Variants in ADAP1 observed in about 807,000 individuals in gnomAD.
ADAP1 encodes the protein arf-GAP with dual PH domain-containing protein 1.
A neutral mutation model predicts 54.9 loss-of-function variants in ADAP1; 31 were observed. That is an observed-to-expected ratio of 0.56 (90% CI 0.42 to 0.76). The LOEUF is 0.76. ADAP1 is among the 30% of genes least tolerant of loss of function. The pLI is 0.00. For missense variants in ADAP1, 535 were observed against 512.4 expected, an observed-to-expected ratio of 1.04 and a Z score of -0.42; for synonymous variants, 313 against 202.6, an observed-to-expected ratio of 1.55 and a Z score of -4.63.
At chr7:939,650 G>C (rs1846887473) in intron 1 of ADAP1, among the ~76,000 whole-genome samples, 1 of 151,772 alleles carries the variant, frequency 6.6e-6, no homozygotes, top group Non-Finnish European at 1.5e-5. Context: ...GGCCAACATA[G>C]TGAAACCCCG....
intron 1 of ADAP1, among the ~76,000 whole-genome samples, chr7:940,952 G>A (rs953804524): frequency 6.6e-6 from 1 of 151,214 alleles, no homozygotes; most frequent in Non-Finnish European, 1.5e-5. Flanking sequence ...TAAGAATAGA[G>A]GGGAATTTCC....
rs1032854764 is a variant in ADAP1 at position 945,048 on chromosome 7, G to A, written c.82+9348C>T. 8.5e-5 allele frequency among the ~76,000 whole-genome samples: 13 copies of A among 152,158 alleles called. No homozygotes were observed. The highest frequency in any genetic ancestry group is 8.5e-4 in the Admixed American group (13 of 15,270). On this transcript the variant is annotated intron_variant, in intron 1 of 10. Coordinates refer to ENST00000265846, the MANE Select transcript of ADAP1 (RefSeq NM_006869.4). The surrounding 1 kb of genome is among the most constrained non-coding windows in gnomAD (Gnocchi z 4.2). Reference sequence around the variant, plus strand: ...GAAGCTCTGCAGGGTGGGCTCACGTGTGTGTGTGCAGGTGTGTGTGTGTGC... The same window carrying A: ...GAAGCTCTGCAGGGTGGGCTCACGTATGTGTGTGCAGGTGTGTGTGTGTGC...
chr7:945,944 C>G lies in ADAP1; in HGVS notation c.82+8452G>C, dbSNP rs900128103. ...AGTAGCCAAGCCTGTCCATGGGGCC[C>G]TGGTTCCAGAGACCTTTGCCCTCCC... is the stretch of plus-strand genomic sequence containing the variant. On this transcript the variant is annotated intron_variant, in intron 1 of 10. Coordinates refer to ENST00000265846, the MANE Select transcript of ADAP1 (RefSeq NM_006869.4). The surrounding 1 kb of genome is among the most constrained non-coding windows in gnomAD (Gnocchi z 4.2). 2 of 468,286 alleles carry G rather than the reference C, an allele frequency of 4.3e-6. No individual in the cohort carries two copies. Among genetic ancestry groups the G allele is most frequent in the African/African-American group, 4.2e-5 (2 of 47,338 alleles). 29.0% of individuals were successfully genotyped at this position (468,286 alleles called of 1,614,324 possible).
chr7:935,242 A>G, intron 2 of ADAP1, 133 bp downstream of exon 2: 1 of 1,312,790 alleles, frequency 7.6e-7, no homozygotes. Flanking sequence ...CCTCGGGTCC[A>G]GCCAGCCAGG....
At chr7:908,709 A>T (rs1407699965) in intron 4 of ADAP1, among the ~76,000 whole-genome samples, 1 of 152,100 alleles carries the variant, frequency 6.6e-6, no homozygotes, top group Non-Finnish European at 1.5e-5. Flanking sequence ...TTCGTGGCTG[A>T]GGGTGGACGC....
At chr7:934,777 T>A (rs79780746) in intron 2 of ADAP1, among the ~76,000 whole-genome samples, 2,944 of 152,178 alleles carry the variant, frequency 0.019, 102 homozygotes, top group African/African-American at 0.067. Flanking sequence ...CATAGGGGCG[T>A]CTCTAGGGCC....
intron 1 of ADAP1, among the ~76,000 whole-genome samples, chr7:936,637 A>G (rs1846768262): frequency 6.6e-6 from 1 of 152,252 alleles, no homozygotes; most frequent in African/African-American, 2.4e-5. Context: ...CTGGCTCCCA[A>G]CGACCCTTCA....
chr7:948,017 G>A (rs1391165736), intron 1 of ADAP1, among the ~76,000 whole-genome samples: 1 of 151,534 alleles, frequency 6.6e-6, no homozygotes, highest in African/African-American at 2.4e-5. Context: ...TCTTCCGGAG[G>A]GGCCGTCTCC....
intron 1 of ADAP1, among the ~76,000 whole-genome samples, chr7:939,571 C>CT (rs141872965): frequency 0.029 from 4,344 of 151,114 alleles, 163 homozygotes; most frequent in East Asian, 0.23. Flanking sequence ...TGGCTCACAC[C>CT]TGTAATCCCA....
chr7:922,489 T>C (rs1293605581), intron 3 of ADAP1, among the ~76,000 whole-genome samples: 1 of 152,142 alleles, frequency 6.6e-6, no homozygotes. Flanking sequence ...CAGCCCAAGA[T>C]GCCATGGGAG....
At chr7:912,835 G>C (rs1583148502) in intron 4 of ADAP1, among the ~76,000 whole-genome samples, 1 of 152,158 alleles carries the variant, frequency 6.6e-6, no homozygotes, top group Non-Finnish European at 1.5e-5. Context: ...TGAGTAGCTG[G>C]AGCTATCACG....
intron 6 of ADAP1, among the ~76,000 whole-genome samples, chr7:903,283 G>A (rs893041850): frequency 7.2e-5 from 11 of 152,164 alleles, no homozygotes; most frequent in Admixed American, 2.0e-4. Flanking sequence ...AGCGGAGCAC[G>A]GCAGGCAGGG....
At chr7:904,976 G>A (rs1845030421) in intron 5 of ADAP1, 84 bp downstream of exon 5, 3 of 1,218,122 alleles carry the variant, frequency 2.5e-6, no homozygotes, top group East Asian at 2.4e-5. Flanking sequence ...GCTGCGGATG[G>A]ACGCGGCCAC....
Position 938,670 on chromosome 7 carries a change from G to A in ADAP1, c.83-3165C>T, listed in dbSNP as rs139197604. Among the ~76,000 whole-genome samples, 28 of 152,268 alleles carry A rather than the reference G, an allele frequency of 1.8e-4. No individual in the cohort carries two copies. The highest frequency in any genetic ancestry group is 3.4e-3 in the Middle Eastern group (1 of 294). On this transcript the variant is annotated intron_variant, in intron 1 of 10. Transcript: ENST00000265846. The surrounding 1 kb of genome is among the most constrained non-coding windows in gnomAD (Gnocchi z 4.4). The stretch of plus-strand genomic sequence containing the variant: ...GAAGGCACGCCAGTCTCCGGGCCTC[G>A]GTCTCCTCATCTGTCGGATGGGACA...
rs763713635 is a variant in ADAP1 at position 905,044 on chromosome 7, C to A, written c.501+16G>T. On this transcript the variant is annotated intron_variant, in intron 5 of 10. Transcript: ENST00000265846. ...CCCTGGGACAGGCCCCCACCCCACC[C>A]CCGTCTGTGACTCACATCATTTCTG... 3.1e-6 allele frequency: 5 copies of A among 1,606,304 alleles called. No individual in the cohort carries two copies. The highest frequency in any genetic ancestry group is 4.2e-6 in the Non-Finnish European group (5 of 1,178,294).
At chr7:936,087 T>A (rs1397262839) in intron 1 of ADAP1, among the ~76,000 whole-genome samples, 1 of 152,212 alleles carries the variant, frequency 6.6e-6, no homozygotes, top group Non-Finnish European at 1.5e-5. Flanking sequence ...GCGCTGTGGC[T>A]TCACCCTGCA....
chr7:917,883 G>A (rs2128103806), intron 4 of ADAP1, among the ~76,000 whole-genome samples: 1 of 152,142 alleles, frequency 6.6e-6, no homozygotes, highest in South Asian at 2.1e-4. Flanking sequence ...AGATCCTCCC[G>A]CCTCAGTCTC....
At chr7:916,623 C>CAG (rs1562923265) in intron 4 of ADAP1, among the ~76,000 whole-genome samples, 1 of 152,144 alleles carries the variant, frequency 6.6e-6, no homozygotes, top group Non-Finnish European at 1.5e-5. Flanking sequence ...CAGGTGCCCG[C>CAG]GTGTTCATCC....
chr7:935,280 G>C, intron 2 of ADAP1, 95 bp downstream of exon 2: 1 of 1,482,592 alleles, frequency 6.7e-7, no homozygotes, highest in Admixed American at 2.1e-5. Context: ...GGCTCCAGGG[G>C]CCACAGCCAG....
Sources: allele counts gnomAD v4.1 joint callset (sites outside exome capture counted in the v4.1 genomes callset), GRCh38; gene constraint gnomAD v4.1.1; non-coding constraint Gnocchi (gnomAD v3.1); transcripts MANE v1.5; gene names NCBI Gene and HGNC (gene_info 2026-07-23, HGNC 2026-07-21).